ZNF439: variants seen among roughly 807,000 people sequenced by gnomAD.
The protein encoded by ZNF439 is zinc finger protein 439.
Under a neutral mutation model 47.3 loss-of-function variants are expected in ZNF439, and 40 were observed. The ratio of observed to expected loss-of-function variants is 0.85; its 90% CI spans 0.66 to 1.10. ZNF439 has a LOEUF of 1.10. ZNF439 is among the 50% of genes least tolerant of loss of function. The probability of loss-of-function intolerance (pLI) is 0.00; values close to 1 mark genes in which losing one functional copy is unlikely to be tolerated. For missense variants in ZNF439, 556 were observed against 601.1 expected, an observed-to-expected ratio of 0.93 and a Z score of 0.78; for synonymous variants, 171 against 198.8, an observed-to-expected ratio of 0.86 and a Z score of 1.18.
intron 1 of ZNF439, among the ~76,000 whole-genome samples, chr19:11,860,540 T>G (rs1976510645): frequency 6.6e-6 from 1 of 152,108 alleles, no homozygotes; most frequent in Non-Finnish European, 1.5e-5. Flanking sequence ...CATCCTCAAG[T>G]CCCTGTTCAC....
intron 1 of ZNF439, chr19:11,856,880 G>T (rs776504137): frequency 6.6e-6 from 1 of 152,252 alleles, no homozygotes; most frequent in Non-Finnish European, 1.5e-5. Context: ...GCATGAGAGC[G>T]AACAGCTTGT....
chr19:11,866,695 T>A, intron 3 of ZNF439, 98 bp downstream of exon 3: 1 of 1,271,548 alleles, frequency 7.9e-7, no homozygotes, highest in Non-Finnish European at 1.1e-6. Context: ...AAGTCCAGGA[T>A]CAAGTTCATT....
rs755022786 is a variant in ZNF439, at chr19:11,869,349, C to T, written c.*780C>T. On this transcript the variant is annotated 3_prime_UTR_variant, in exon 4 of 4. Transcript: ENST00000682736. ...AAGCAGTATGGGAAAGCCTTCAGAT[C>T]GGCTAGGATTCTTTGAATACAAATA... is the stretch of plus-strand genomic sequence containing the variant. 8.1e-5 allele frequency: 13 copies of T among 161,448 alleles called. No individual in the cohort carries two copies. Among genetic ancestry groups the T allele is most frequent in the East Asian group, 5.7e-4 (3 of 5,266 alleles). 10.0% of individuals were successfully genotyped at this position (161,448 alleles called of 1,614,324 possible). A position where few individuals can be genotyped will look rare whatever the true frequency, so the allele number is the denominator to read the frequency against.
chr19:11,854,264 G>C (rs1976325710), intron 1 of ZNF439, among the ~76,000 whole-genome samples: 1 of 152,224 alleles, frequency 6.6e-6, no homozygotes, highest in South Asian at 2.1e-4. Context: ...AAGTGATGGA[G>C]TACATCACAA....
In ZNF439 at chr19:11,867,669, C is replaced by T. The variant is rs755521019; in HGVS notation, c.615C>T (p.Ser205=). The change falls in exon 4 of 4, where the codon AGC becomes AGT. Residue 205 remains serine, a synonymous_variant. Coordinates refer to ENST00000682736, the MANE Select transcript of ZNF439 (RefSeq NM_001348719.2). ...ECGKNIIYHS[S]IQRHMVVHSG... ...GAAAAAACATTATTTACCATTCAAG[C>T]ATTCAAAGACACATGGTAGTGCACA... The T allele has an allele frequency of 1.4e-5, 23 of 1,613,998 alleles. No homozygotes were observed. In the African/African-American group the frequency reaches 2.5e-4, roughly 18 times the overall value.
chr19:11,848,827 A>C lies in ZNF439; in HGVS notation c.-41A>C. 2.0e-6 allele frequency: 3 copies of C among 1,514,596 alleles called. No individual in the cohort carries two copies. Among genetic ancestry groups the C allele is most frequent in the Admixed American group, 1.8e-5 (1 of 55,502 alleles). The allele number at this position is 1,514,596 out of a possible 1,614,324, so 93.8% of individuals were successfully genotyped here. A position where few individuals can be genotyped will look rare whatever the true frequency, so the allele number is the denominator to read the frequency against. On this transcript the variant is annotated 5_prime_UTR_variant, in exon 1 of 4. An upstream open reading frame in the 5' UTR loses its in-frame stop. Transcript: ENST00000682736. Reference sequence around the variant, plus strand: ...GCCTTTCCAGCCCCGAGAGGGACCTAGTGCCTCTACCCAGATTTCTGTCGC... The same window carrying C: ...GCCTTTCCAGCCCCGAGAGGGACCTCGTGCCTCTACCCAGATTTCTGTCGC...
At chr19:11,850,258 G>A (rs1281165517) in intron 1 of ZNF439, 1 of 152,158 alleles carries the variant, frequency 6.6e-6, no homozygotes, top group Admixed American at 6.5e-5. Context: ...ATTTTTAGTA[G>A]AGATGGGGTT....
intron 1 of ZNF439, among the ~76,000 whole-genome samples, chr19:11,852,149 A>T (rs1034488614): frequency 6.6e-6 from 1 of 152,174 alleles, no homozygotes; most frequent in Non-Finnish European, 1.5e-5. Flanking sequence ...AGAGGGGCCC[A>T]GTGGGATGGC....
At position 11,868,876 on chromosome 19, in the gene ZNF439, G is replaced by A; in HGVS notation, c.*307G>A. 4.9e-6 allele frequency: 2 copies of A among 409,730 alleles called. No homozygotes were observed. The highest frequency in any genetic ancestry group is 4.7e-6 in the Non-Finnish European group (1 of 213,754). The allele number at this position is 409,730 out of a possible 1,614,324, so 25.4% of individuals were successfully genotyped here. A position where few individuals can be genotyped will look rare whatever the true frequency, so the allele number is the denominator to read the frequency against. ...TTCTCTTCTTTTCAAATACATGAAA[G>A]TTGCACAGAGGAGAGGCGCCCTAAG... is the stretch of plus-strand genomic sequence containing the variant. On this transcript the variant is annotated 3_prime_UTR_variant, in exon 4 of 4. Coordinates refer to ENST00000682736, the MANE Select transcript of ZNF439 (RefSeq NM_001348719.2).
chr19:11,858,984 G>A (rs925430950), intron 1 of ZNF439, among the ~76,000 whole-genome samples: 1 of 152,204 alleles, frequency 6.6e-6, no homozygotes, highest in African/African-American at 2.4e-5. Flanking sequence ...ATTAGCCATT[G>A]CTTGACCTAA....
chr19:11,867,390 G>T lies in ZNF439; in HGVS notation c.336G>T (p.Leu112=), dbSNP rs1175397421. 3 of 1,613,948 alleles carry T rather than the reference G, an allele frequency of 1.9e-6. No individual in the cohort carries two copies. Among genetic ancestry groups the T allele is most frequent in the South Asian group, 2.2e-5 (2 of 91,068 alleles). The change falls in exon 4 of 4, where the codon CTG becomes CTT. Residue 112 remains leucine (L), a synonymous_variant. Transcript: ENST00000682736. ...TTACCCCAGTTCCAGATGACAGGCT[G>T]AACTTCCAGAAGAAGAAAGCTTCTC... ...ETFTPVPDDR[L]NFQKKKASPE...
intron 1 of ZNF439, chr19:11,857,551 G>A (rs1599315758): frequency 1.3e-5 from 2 of 152,186 alleles, no homozygotes; most frequent in East Asian, 1.9e-4. Flanking sequence ...AGGCTTTTGC[G>A]GCTACAGCCA....
chr19:11,856,374 T>G (rs940040830), intron 1 of ZNF439: 3 of 152,252 alleles, frequency 2.0e-5, no homozygotes, highest in Non-Finnish European at 2.9e-5. Flanking sequence ...GTAAAAAGTT[T>G]TGAAAAACAT....
rs929670150 is a variant in ZNF439 at position 11,848,742 on chromosome 19, C to G, written c.-126C>G. The stretch of plus-strand genomic sequence containing the variant: ...GCCCTGCCCACTGTGCATCCAGGCA[C>G]GGAGGATGTTGCATTCCTGCCGTCA... On this transcript the variant is annotated 5_prime_UTR_variant, in exon 1 of 4. Coordinates refer to ENST00000682736, the MANE Select transcript of ZNF439 (RefSeq NM_001348719.2). The G allele has an allele frequency of 4.1e-6, 5 of 1,209,378 alleles. No homozygotes were observed. Among genetic ancestry groups the G allele is most frequent in the Non-Finnish European group, 5.3e-6 (5 of 941,824 alleles). The allele number at this position is 1,209,378 out of a possible 1,614,324, so 74.9% of individuals were successfully genotyped here. A position where few individuals can be genotyped will look rare whatever the true frequency, so the allele number is the denominator to read the frequency against.
chr19:11,864,358 T>C (rs1976617283), intron 1 of ZNF439, among the ~76,000 whole-genome samples: 1 of 151,972 alleles, frequency 6.6e-6, no homozygotes. Context: ...AGTGCAATGG[T>C]GGGATTTTGG....
rs1976740521 is a variant in ZNF439 at position 11,867,863 on chromosome 19, T to C, written c.809T>C (p.Ile270Thr). The C allele has an allele frequency of 4.3e-6, 7 of 1,613,768 alleles. No individual in the cohort carries two copies. Among genetic ancestry groups the C allele is most frequent in the East Asian group, 4.5e-5 (2 of 44,844 alleles). The change falls in exon 4 of 4, where the codon ATT (isoleucine) becomes ACT (threonine). Residue 270 changes from isoleucine (I) to threonine (T), a missense_variant. Ile to Thr is a moderately conservative substitution (Grantham distance 89). Transcript: ENST00000682736. Reference protein sequence around the residue: ...ATHRIHERTHIGEKPYECQEC... With the variant: ...ATHRIHERTHTGEKPYECQEC... ...CATCGAATACATGAAAGAACTCACA[T>C]TGGAGAAAAGCCTTATGAATGTCAG...
Position 11,868,250 on chromosome 19 carries a change from C to T in ZNF439, c.1196C>T (p.Ser399Phe). The T allele has an allele frequency of 1.9e-6, 3 of 1,613,834 alleles. No individual in the cohort carries two copies. The highest frequency in any genetic ancestry group is 2.2e-5 in the East Asian group (1 of 44,798). The change falls in exon 4 of 4, where the codon TCC (serine) becomes TTC (phenylalanine). Residue 399 changes from serine (S) to phenylalanine (F), a missense_variant. Transcript: ENST00000682736. ...CKQCGKAFTR[S>F]GSFRYHERTH... ...CAATGTGGTAAAGCCTTCACTCGTT[C>T]CGGTTCCTTTCGATATCATGAAAGG...
rs1340727056 is a variant in ZNF439, at chr19:11,854,532, G to T, written c.63+5602G>T. Among the ~76,000 whole-genome samples, 6 of 152,318 alleles carry T rather than the reference G, an allele frequency of 3.9e-5. No individual in the cohort carries two copies. The East Asian group carries it at 1.2e-3, about 29-fold the overall frequency. On this transcript the variant is annotated intron_variant, in intron 1 of 3. Transcript: ENST00000682736. ...CCCAGCACTTTGGGAGGCCAAGGCA[G>T]GTGGATTACAAGGTCAGGAGTTCGA...
rs1217479957 is a variant in ZNF439, at chr19:11,867,288, G to A, written c.252-18G>A. ...CTTATAAACAAACTCTTCATAATTT[G>A]TTTCTCATTTTTGACAGGAGTGTCA... is the stretch of plus-strand genomic sequence containing the variant. On this transcript the variant is annotated intron_variant, in intron 3 of 3. Coordinates refer to ENST00000682736, the MANE Select transcript of ZNF439 (RefSeq NM_001348719.2). 1.3e-6 allele frequency: 2 copies of A among 1,596,024 alleles called. No homozygotes were observed. The highest frequency in any genetic ancestry group is 1.7e-6 in the Non-Finnish European group (2 of 1,175,650).
Sources: allele counts gnomAD v4.1 joint callset (sites outside exome capture counted in the v4.1 genomes callset), GRCh38; gene constraint gnomAD v4.1.1; transcripts MANE v1.5; gene names NCBI Gene and HGNC (gene_info 2026-07-23, HGNC 2026-07-21).